TTLL11: variants seen among roughly 807,000 people sequenced by gnomAD.
TTLL11 encodes the protein tubulin tyrosine ligase like 11.
TTLL11 carries 42 observed loss-of-function variants against 51.7 expected under a neutral mutation model. The ratio of observed to expected loss-of-function variants is 0.81; its 90% CI spans 0.64 to 1.05. The LOEUF is 1.05. Among genes scored for constraint, TTLL11 ranks in the 50% least tolerant of loss-of-function variants. The pLI is 0.00. For synonymous variants in TTLL11, 381 were observed against 383.5 expected (o/e 0.99, Z 0.08); for missense variants, 799 against 940.4 (o/e 0.85, Z 1.97).
chr9:121,968,206 C>T (rs948321839), intron 6 of TTLL11, among the ~76,000 whole-genome samples: 9 of 152,242 alleles, frequency 5.9e-5, no homozygotes, highest in Admixed American at 4.6e-4. Context: ...CATGTCCCTA[C>T]AGAGCCTCCA....
At chr9:122,088,159 T>C (rs890748865) in intron 1 of TTLL11, among the ~76,000 whole-genome samples, 1 of 152,218 alleles carries the variant, frequency 6.6e-6, no homozygotes. Flanking sequence ...GCCTTCACCA[T>C]GCTCTGTGAT....
intron 6 of TTLL11, among the ~76,000 whole-genome samples, chr9:121,944,192 C>T (rs972835253): frequency 7.9e-5 from 12 of 152,194 alleles, no homozygotes; most frequent in Non-Finnish European, 1.6e-4. Context: ...GAATTTGGGA[C>T]TTCACTAGTA....
At chr9:122,023,935 C>A (rs1844257500) in intron 3 of TTLL11, among the ~76,000 whole-genome samples, 3 of 152,088 alleles carry the variant, frequency 2.0e-5, no homozygotes, top group Admixed American at 6.5e-5. Flanking sequence ...TTCTACTTAA[C>A]ATTATTTGGA....
At chr9:122,046,572 C>T (rs1338612657) in intron 1 of TTLL11, among the ~76,000 whole-genome samples, 1 of 152,214 alleles carries the variant, frequency 6.6e-6, no homozygotes, top group African/African-American at 2.4e-5. Flanking sequence ...TGAAAGCTGA[C>T]AAATGGTTCT....
At chr9:121,971,746 GAAAA>G (rs768215225) in intron 6 of TTLL11, among the ~76,000 whole-genome samples, 2 of 97,876 alleles carry the variant, frequency 2.0e-5, no homozygotes. Context: ...TCTGCCTTGG[GAAAA>G]AAAAAAAAAA....
chr9:122,062,332 C>T (rs1845458377), intron 1 of TTLL11, among the ~76,000 whole-genome samples: 1 of 152,132 alleles, frequency 6.6e-6, no homozygotes, highest in Non-Finnish European at 1.5e-5. Context: ...AGCTTCTCTT[C>T]AACATCTTCT....
chr9:121,989,015 C>G lies in TTLL11; in HGVS notation c.1269+180G>C, dbSNP rs895450171. The G allele has an allele frequency of 3.8e-5, 55 of 1,462,696 alleles. No homozygotes were observed. The highest frequency in any genetic ancestry group is 1.2e-5 in the Non-Finnish European group (13 of 1,098,558). 90.6% of individuals were successfully genotyped at this position (1,462,696 alleles called of 1,614,324 possible). A position where few individuals can be genotyped will look rare whatever the true frequency, so the allele number is the denominator to read the frequency against. On this transcript the variant is annotated intron_variant, in intron 4 of 8. Transcript: ENST00000321582. The surrounding 1 kb of genome is among the most constrained non-coding windows in gnomAD (Gnocchi z 4.2). ...GGGAAGTAGCTTGCCCCAAATCACA[C>G]AGGGAGCAAACAGAAAGCTTGGAAG...
intron 1 of TTLL11, among the ~76,000 whole-genome samples, chr9:122,041,980 A>C (rs991858844): frequency 1.4e-4 from 21 of 151,818 alleles, no homozygotes; most frequent in Non-Finnish European, 2.5e-4. Flanking sequence ...CTTGAAAAAA[A>C]AAAAAAGAAC....
At chr9:121,956,346 T>C (rs1271533364) in intron 6 of TTLL11, among the ~76,000 whole-genome samples, 1 of 152,234 alleles carries the variant, frequency 6.6e-6, no homozygotes, top group Non-Finnish European at 1.5e-5. Flanking sequence ...TCATTTAATA[T>C]TTCACTTGTC....
At chr9:122,070,571 A>C (rs889743153) in intron 1 of TTLL11, among the ~76,000 whole-genome samples, 2 of 152,168 alleles carry the variant, frequency 1.3e-5, no homozygotes, top group Non-Finnish European at 2.9e-5. Context: ...TGATTCATCT[A>C]CCTGCTCATT....
intron 8 of TTLL11, among the ~76,000 whole-genome samples, chr9:121,837,652 A>T (rs1837219384): frequency 6.6e-6 from 1 of 152,150 alleles, no homozygotes; most frequent in African/African-American, 2.4e-5. Context: ...TGTGTGGTTG[A>T]AAAGCCTGCC....
chr9:121,849,648 T>C (rs1014285973), intron 8 of TTLL11, among the ~76,000 whole-genome samples: 3 of 152,332 alleles, frequency 2.0e-5, no homozygotes, highest in Non-Finnish European at 4.4e-5. Context: ...TATGTAAAGA[T>C]ACTCAACATC....
At chr9:121,840,253 G>C (rs550549300) in intron 8 of TTLL11, among the ~76,000 whole-genome samples, 1 of 152,116 alleles carries the variant, frequency 6.6e-6, no homozygotes, top group Non-Finnish European at 1.5e-5. Context: ...TCCTGAACTC[G>C]GTTAAGATCT....
At chr9:121,949,616 C>A (rs1285697451) in intron 6 of TTLL11, among the ~76,000 whole-genome samples, 6 of 152,142 alleles carry the variant, frequency 3.9e-5, no homozygotes, top group African/African-American at 1.4e-4. Context: ...TGATTCAAAT[C>A]TAGGTGTCTG....
At chr9:121,954,675 G>GAC (rs1554773855) in intron 6 of TTLL11, among the ~76,000 whole-genome samples, 5 of 73,932 alleles carry the variant, frequency 6.8e-5, no homozygotes, top group East Asian at 3.1e-4. Flanking sequence ...CACACACACA[G>GAC]ACGCACACAC....
At chr9:121,827,059 C>T (rs920541041) in intron 8 of TTLL11, among the ~76,000 whole-genome samples, 1 of 152,174 alleles carries the variant, frequency 6.6e-6, no homozygotes, top group Non-Finnish European at 1.5e-5. Context: ...CCGCGTGATC[C>T]GAGTCCCATG....
chr9:122,010,300 T>C (rs914330505), intron 3 of TTLL11, among the ~76,000 whole-genome samples: 2 of 152,212 alleles, frequency 1.3e-5, no homozygotes, highest in African/African-American at 4.8e-5. Context: ...AGGTATTGCT[T>C]AAAACGAAAA....
chr9:121,874,527 A>C (rs1838491277), intron 6 of TTLL11, among the ~76,000 whole-genome samples: 1 of 152,246 alleles, frequency 6.6e-6, no homozygotes, highest in Non-Finnish European at 1.5e-5. Flanking sequence ...TTATAAAGTT[A>C]GGATTACATT....
intron 6 of TTLL11, among the ~76,000 whole-genome samples, chr9:121,934,227 C>A (rs1841106020): frequency 1.5e-5 from 1 of 66,174 alleles, no homozygotes; most frequent in Non-Finnish European, 3.3e-5. Context: ...GAGCAAAACT[C>A]CATCTCAAAA....
Sources: gnomAD v4.1 joint callset for allele counts (sites outside exome capture counted in the v4.1 genomes callset) on GRCh38, gnomAD v4.1.1 for gene constraint, Gnocchi (gnomAD v3.1) non-coding constraint, MANE v1.5 for transcripts, NCBI Gene and HGNC (gene_info 2026-07-23, HGNC 2026-07-21) for gene names.